CSMD1: variants seen among roughly 807,000 people sequenced by gnomAD.
The protein encoded by CSMD1 is CUB and Sushi multiple domains 1.
A neutral mutation model predicts 417.5 loss-of-function variants in CSMD1; 213 were observed. That is an observed-to-expected ratio of 0.51 (90% CI 0.46 to 0.57). The LOEUF (loss-of-function observed/expected upper bound fraction) is 0.57, where lower values mean the gene tolerates loss of function less well. Among genes scored for constraint, CSMD1 ranks in the 20% least tolerant of loss-of-function variants. The pLI is 0.00. For synonymous variants in CSMD1, 2,862 were observed against 1,736.8 expected (o/e 1.65, Z -16.11); for missense variants, 6,923 against 4,529.7 (o/e 1.53, Z -15.17).
chr8:4,126,879 CT>C (rs1165352854), intron 3 of CSMD1, among the ~76,000 whole-genome samples: 1 of 152,170 alleles, frequency 6.6e-6, no homozygotes, highest in East Asian at 1.9e-4. Context: ...ACCACAGCAT[CT>C]GTCTCCTGGG....
At chr8:4,110,487 C>T (rs1232723511) in intron 3 of CSMD1, among the ~76,000 whole-genome samples, 1 of 152,078 alleles carries the variant, frequency 6.6e-6, no homozygotes, top group Non-Finnish European at 1.5e-5. Context: ...GAAATGTTAA[C>T]TTTTCATATA....
intron 7 of CSMD1, among the ~76,000 whole-genome samples, chr8:3,670,405 G>A (rs185574039): frequency 1.3e-3 from 197 of 150,974 alleles, no homozygotes; most frequent in Non-Finnish European, 1.9e-3. Context: ...CGGACCTTGT[G>A]AACATGTGAG....
chr8:3,065,667 A>G (rs949730561), intron 49 of CSMD1, among the ~76,000 whole-genome samples: 16 of 152,224 alleles, frequency 1.1e-4, no homozygotes, highest in South Asian at 4.1e-4. Flanking sequence ...TGATTGATCA[A>G]TCGCTAGGTT....
intron 50 of CSMD1, among the ~76,000 whole-genome samples, chr8:3,036,984 T>A (rs549143325): frequency 1.3e-5 from 2 of 152,236 alleles, no homozygotes; most frequent in African/African-American, 4.8e-5. Context: ...CTATCTATCA[T>A]CCCCTTGAGT....
At chr8:4,986,548 G>A (rs957593294) in intron 1 of CSMD1, among the ~76,000 whole-genome samples, 1 of 151,996 alleles carries the variant, frequency 6.6e-6, no homozygotes, top group Non-Finnish European at 1.5e-5. Context: ...CTAACATTTA[G>A]CCCTTTCTTA....
chr8:4,736,350 G>C (rs376212157), intron 1 of CSMD1, among the ~76,000 whole-genome samples: 2 of 152,190 alleles, frequency 1.3e-5, no homozygotes, highest in East Asian at 1.9e-4. Flanking sequence ...ATAATAAGGA[G>C]ATCACAATGG....
chr8:4,777,764 T>A (rs1200341530), intron 1 of CSMD1, among the ~76,000 whole-genome samples: 1 of 152,216 alleles, frequency 6.6e-6, no homozygotes, highest in Non-Finnish European at 1.5e-5. Context: ...CACATGTATC[T>A]ACACAAAAAG....
intron 3 of CSMD1, among the ~76,000 whole-genome samples, chr8:4,115,090 T>C (rs1019212482): frequency 6.6e-6 from 1 of 152,222 alleles, no homozygotes; most frequent in Non-Finnish European, 1.5e-5. Flanking sequence ...TCAAACGGAA[T>C]TGAAACCTAG....
At position 3,772,400 on chromosome 8, in the gene CSMD1, TATATACATATATTTATATATAC is replaced by T. The variant is rs1194519548; in HGVS notation, c.819-18380_819-18359del. Among the ~76,000 whole-genome samples, 22 of 143,176 alleles carry T rather than the reference TATATACATATATTTATATATAC, an allele frequency of 1.5e-4. 1 individual carries two copies. Among genetic ancestry groups the T allele is most frequent in the Admixed American group, 4.3e-4 (6 of 13,890 alleles). 93.9% of individuals were successfully genotyped at this position (143,176 alleles called of 152,430 possible). On this transcript the variant is annotated intron_variant, in intron 5 of 69. Coordinates refer to ENST00000635120, the MANE Select transcript of CSMD1 (RefSeq NM_033225.6). ...ATATTCATATATTTATATATACACA[TATATACATATATTTATATATAC>T]ACATATATACATACATTTATATATA... is the stretch of plus-strand genomic sequence containing the variant.
At chr8:4,506,337 G>GGTTA (rs1802525578) in intron 2 of CSMD1, among the ~76,000 whole-genome samples, 1 of 152,062 alleles carries the variant, frequency 6.6e-6, no homozygotes, top group South Asian at 2.1e-4. Flanking sequence ...ACCCACGGTG[G>GGTTA]GTTAGACCGT....
At chr8:3,943,791 G>T (rs917936153) in intron 5 of CSMD1, among the ~76,000 whole-genome samples, 1 of 152,064 alleles carries the variant, frequency 6.6e-6, no homozygotes, top group African/African-American at 2.4e-5. Flanking sequence ...GGGACAGCCT[G>T]TAAAATAATT....
At chr8:3,859,210 T>C (rs1428439103) in intron 5 of CSMD1, among the ~76,000 whole-genome samples, 2 of 152,154 alleles carry the variant, frequency 1.3e-5, no homozygotes, top group African/African-American at 4.8e-5. Flanking sequence ...GAGGAGTACG[T>C]GGGAAAGCCA....
intron 1 of CSMD1, among the ~76,000 whole-genome samples, chr8:4,986,781 TAAA>T (rs999584671): frequency 2.0e-5 from 3 of 152,094 alleles, no homozygotes; most frequent in Non-Finnish European, 4.4e-5. Flanking sequence ...GCACTGATGA[TAAA>T]GAAGAAATCT....
chr8:4,294,882 G>C (rs976563182), intron 3 of CSMD1, among the ~76,000 whole-genome samples: 4 of 151,730 alleles, frequency 2.6e-5, no homozygotes, highest in Admixed American at 6.6e-5. Flanking sequence ...CCTTTTAGTA[G>C]CTGTCAATGT....
chr8:4,043,610 T>C (rs28620380), intron 3 of CSMD1, among the ~76,000 whole-genome samples: 1 of 152,202 alleles, frequency 6.6e-6, no homozygotes, highest in Non-Finnish European at 1.5e-5. Context: ...ATAGCCAAAC[T>C]GGAATTTCAA....
intron 26 of CSMD1, among the ~76,000 whole-genome samples, chr8:3,266,609 A>G (rs1022287128): frequency 6.9e-6 from 1 of 145,924 alleles, no homozygotes; most frequent in African/African-American, 2.5e-5. Flanking sequence ...CCTCTCAAAA[A>G]AAAAAAAAAA....
chr8:3,696,548 G>A (rs147490578), intron 7 of CSMD1, among the ~76,000 whole-genome samples: 18 of 152,298 alleles, frequency 1.2e-4, no homozygotes, highest in East Asian at 5.8e-4. Context: ...GTAATTAAAT[G>A]ATCTAATTTA....
chr8:3,459,836 A>G (rs1816387540), intron 12 of CSMD1, among the ~76,000 whole-genome samples: 1 of 152,158 alleles, frequency 6.6e-6, no homozygotes, highest in African/African-American at 2.4e-5. Flanking sequence ...CTACTGGGCT[A>G]TAATTCCTCA....
chr8:3,296,012 C>G (rs4875549), intron 25 of CSMD1, among the ~76,000 whole-genome samples: 4 of 151,872 alleles, frequency 2.6e-5, no homozygotes, highest in Admixed American at 2.0e-4. Flanking sequence ...ACAGCATCCA[C>G]AATAATACAG....
Sources: allele counts gnomAD v4.1 joint callset (sites outside exome capture counted in the v4.1 genomes callset), GRCh38; gene constraint gnomAD v4.1.1; transcripts MANE v1.5; gene names NCBI Gene and HGNC (gene_info 2026-07-23, HGNC 2026-07-21).